KIF25: variants seen among roughly 807,000 people sequenced by gnomAD.
KIF25 encodes kinesin-like protein KIF25.
A neutral mutation model predicts 32.9 loss-of-function variants in KIF25; 19 were observed. The observed-to-expected ratio is 0.58, with a 90% CI of 0.40 to 0.85. The LOEUF is 0.85. Among genes scored for constraint, KIF25 ranks in the 40% least tolerant of loss-of-function variants. The pLI is 0.00. For missense variants in KIF25, 485 were observed against 507.0 expected, an observed-to-expected ratio of 0.96 and a Z score of 0.42; for synonymous variants, 225 against 213.7, an observed-to-expected ratio of 1.05 and a Z score of -0.46.
At chr6:168,020,616 G>A (rs1798776046) in intron 5 of KIF25, among the ~76,000 whole-genome samples, 2 of 152,090 alleles carry the variant, frequency 1.3e-5, no homozygotes, top group African/African-American at 4.8e-5. Context: ...CTTTCGTATG[G>A]TCCTTATTTG....
chr6:168,004,326 G>A (rs563470059), intron 4 of KIF25, among the ~76,000 whole-genome samples: 27 of 152,294 alleles, frequency 1.8e-4, no homozygotes, highest in Non-Finnish European at 3.1e-4. Flanking sequence ...CCCTCAACGC[G>A]GGATAGAAGC....
At chr6:168,008,769 C>G (rs9364383) in intron 4 of KIF25, among the ~76,000 whole-genome samples, 30,440 of 151,708 alleles carry the variant, frequency 0.2, 3,419 homozygotes, top group East Asian at 0.27. Context: ...TTCTAATTAC[C>G]CTTTTAGAGG....
chr6:168,022,728 T>C (rs1030608105), intron 5 of KIF25, among the ~76,000 whole-genome samples: 8 of 152,168 alleles, frequency 5.3e-5, no homozygotes, highest in Non-Finnish European at 1.0e-4. Context: ...ACTGCGAACT[T>C]ATCTTTGGTG....
Position 168,040,154 on chromosome 6 carries a change from C to A in KIF25, c.584C>A (p.Ser195Tyr). 1 of 1,614,090 alleles carries A rather than the reference C, an allele frequency of 6.2e-7. No homozygotes were observed. The highest frequency in any genetic ancestry group is 1.3e-5 in the African/African-American group (1 of 75,062). Residue 195 changes from serine (S) to tyrosine (Y), a missense_variant, in exon 10 of 13, where the codon TCC becomes TAC. This residue lies in a region of KIF25 where 480 missense variants were observed against 470.3 expected (regional missense o/e 1.02). Transcript: ENST00000643607. ...AKHPTLVHAD[S>Y]SRSHLIITVT... Reference sequence around the variant, plus strand: ...CACCCCACCCTGGTGCACGCGGATTCCTCCAGGTCTCACCTGATAATTACG... The same window carrying A: ...CACCCCACCCTGGTGCACGCGGATTACTCCAGGTCTCACCTGATAATTACG...
At chr6:168,001,690 G>A (rs1369808336) in intron 2 of KIF25, among the ~76,000 whole-genome samples, 3 of 121,554 alleles carry the variant, frequency 2.5e-5, no homozygotes, top group Admixed American at 7.8e-5. Context: ...GCGTGGCCTC[G>A]GGCAGGTGAG....
At chr6:168,031,392 C>T (rs1798940124) in intron 7 of KIF25, among the ~76,000 whole-genome samples, 1 of 152,194 alleles carries the variant, frequency 6.6e-6, no homozygotes, top group African/African-American at 2.4e-5. Context: ...CAGAAGTCCA[C>T]ATAAAGTTCC....
At chr6:168,041,328 G>A (rs1188344890) in intron 10 of KIF25, among the ~76,000 whole-genome samples, 6 of 152,200 alleles carry the variant, frequency 3.9e-5, no homozygotes, top group Admixed American at 2.6e-4. Flanking sequence ...CTGGGCACAC[G>A]GCCTTGTACC....
chr6:168,035,184 G>C (rs770168120), intron 8 of KIF25, among the ~76,000 whole-genome samples: 215 of 151,820 alleles, frequency 1.4e-3, no homozygotes, highest in Non-Finnish European at 1.2e-3. Context: ...CTGTGAGAGC[G>C]GGGACACCAC....
intron 9 of KIF25, 144 bp from the exon 10 acceptor site, chr6:168,039,921 T>A: frequency 2.9e-6 from 3 of 1,024,270 alleles, no homozygotes; most frequent in East Asian, 5.3e-5. Flanking sequence ...TTACCATGAT[T>A]TATTGTGCCT....
chr6:168,031,924 C>G (rs1798947540), intron 7 of KIF25, among the ~76,000 whole-genome samples: 1 of 152,142 alleles, frequency 6.6e-6, no homozygotes, highest in Non-Finnish European at 1.5e-5. Context: ...GAGCACATGC[C>G]CAGGGTGGTC....
intron 4 of KIF25, among the ~76,000 whole-genome samples, chr6:168,006,757 C>T (rs75633388): frequency 2.2e-5 from 3 of 138,824 alleles, no homozygotes; most frequent in Admixed American, 7.2e-5. Context: ...TTTTGTGTCA[C>T]GTTGATTACC....
At chr6:168,014,823 A>G (rs1798692983) in intron 4 of KIF25, among the ~76,000 whole-genome samples, 1 of 152,242 alleles carries the variant, frequency 6.6e-6, no homozygotes, top group Admixed American at 6.5e-5. Flanking sequence ...GTTGATAATC[A>G]GACATGGGAG....
At chr6:168,042,794 G>A (rs139302232) in intron 12 of KIF25, 78 bp downstream of exon 12, 30 of 1,488,906 alleles carry the variant, frequency 2.0e-5, no homozygotes, top group Middle Eastern at 1.8e-4. Flanking sequence ...TGGCCTGCAC[G>A]TCCTCGAGGG....
intron 4 of KIF25, among the ~76,000 whole-genome samples, chr6:168,005,938 A>G (rs1798574000): frequency 6.6e-6 from 1 of 152,174 alleles, no homozygotes; most frequent in Non-Finnish European, 1.5e-5. Flanking sequence ...CTCGGTATTA[A>G]CCATCACAGA....
intron 12 of KIF25, among the ~76,000 whole-genome samples, chr6:168,043,456 G>A (rs1185395438): frequency 6.6e-6 from 1 of 152,206 alleles, no homozygotes; most frequent in Admixed American, 6.5e-5. Flanking sequence ...TGGTGGAGGG[G>A]CCGCTGGTGC....
chr6:168,035,240 C>G (rs759728292), intron 8 of KIF25, among the ~76,000 whole-genome samples: 60 of 151,764 alleles, frequency 4.0e-4, no homozygotes, highest in Middle Eastern at 3.4e-3. Flanking sequence ...CGGACGTCGG[C>G]TTCGCAGTGT....
intron 6 of KIF25, 64 bp from the exon 7 acceptor site, chr6:168,030,709 G>T: frequency 2.3e-6 from 3 of 1,311,970 alleles, no homozygotes; most frequent in Non-Finnish European, 3.2e-6. Flanking sequence ...AGGTTTCTGA[G>T]TCTGCATGCT....
chr6:168,005,391 C>T (rs914496450), intron 4 of KIF25, among the ~76,000 whole-genome samples: 1 of 152,124 alleles, frequency 6.6e-6, no homozygotes, highest in African/African-American at 2.4e-5. Context: ...TGCACGCTGC[C>T]CTGCGGGGTT....
At chr6:168,022,144 A>G (rs1312719002) in intron 5 of KIF25, among the ~76,000 whole-genome samples, 1 of 152,220 alleles carries the variant, frequency 6.6e-6, no homozygotes, top group Non-Finnish European at 1.5e-5. Context: ...CCTATTAGAT[A>G]TAGATTAGAC....
Sources: gnomAD v4.1 joint callset for allele counts (sites outside exome capture counted in the v4.1 genomes callset) on GRCh38, gnomAD v4.1.1 for gene constraint, gnomAD v4.1.1 regional missense constraint, MANE v1.5 for transcripts, NCBI Gene and HGNC (gene_info 2026-07-23, HGNC 2026-07-21) for gene names.